The following SUSD6 variants were observed in gnomAD, a reference collection of about 807,000 sequenced individuals.
SUSD6 encodes sushi domain-containing protein 6.
Under a neutral mutation model 28.4 loss-of-function variants are expected in SUSD6, and 16 were observed. The observed-to-expected ratio is 0.56, with a 90% CI of 0.38 to 0.86. The LOEUF is 0.86. SUSD6 is among the 40% of genes least tolerant of loss of function. The pLI, the probability that SUSD6 is intolerant of heterozygous loss-of-function variation, is 0.00. For missense variants in SUSD6, 341 were observed against 384.2 expected (o/e 0.89, Z 0.94); for synonymous variants, 147 against 159.6 (o/e 0.92, Z 0.59).
intron 2 of SUSD6, among the ~76,000 whole-genome samples, chr14:69,686,012 A>G (rs1886067956): frequency 1.3e-5 from 2 of 152,226 alleles, no homozygotes; most frequent in East Asian, 1.9e-4. Flanking sequence ...GGTAACTTGC[A>G]TTATCAGACC....
intron 2 of SUSD6, among the ~76,000 whole-genome samples, chr14:69,666,275 GGAGTGAGATCAGCTAAGT>G (rs1474672806): frequency 6.6e-6 from 1 of 152,190 alleles, no homozygotes; most frequent in African/African-American, 2.4e-5. Context: ...TGTTGGTGCT[GGAGTGAGATCAGCTAAGT>G]GATCTCACTG....
intron 2 of SUSD6, among the ~76,000 whole-genome samples, chr14:69,672,103 G>A (rs1215004803): frequency 6.6e-6 from 1 of 152,126 alleles, no homozygotes; most frequent in East Asian, 1.9e-4. Context: ...ACACTAACTG[G>A]TTAATCCACC....
chr14:69,631,524 A>T (rs1332860499), intron 1 of SUSD6, among the ~76,000 whole-genome samples: 2 of 152,160 alleles, frequency 1.3e-5, no homozygotes, highest in Non-Finnish European at 2.9e-5. Context: ...CCTAAAACGG[A>T]TATAACAGTA....
intron 1 of SUSD6, among the ~76,000 whole-genome samples, chr14:69,639,775 T>G (rs925488220): frequency 3.3e-5 from 5 of 152,076 alleles, no homozygotes; most frequent in African/African-American, 4.8e-5. Context: ...GATGTTTAGT[T>G]GACATGCCTT....
intron 5 of SUSD6, among the ~76,000 whole-genome samples, chr14:69,709,698 G>C (rs1165117512): frequency 5.9e-5 from 9 of 152,246 alleles, no homozygotes; most frequent in African/African-American, 2.2e-4. Context: ...TTTGAAGCCA[G>C]ATTCTGCCTT....
intron 1 of SUSD6, among the ~76,000 whole-genome samples, chr14:69,644,379 C>T (rs4899309): frequency 5.9e-5 from 9 of 152,124 alleles, no homozygotes; most frequent in Admixed American, 4.6e-4. Flanking sequence ...TGGCTGGGCA[C>T]GGTGGCTCAC....
chr14:69,620,082 G>C (rs143426707), intron 1 of SUSD6, among the ~76,000 whole-genome samples: 66 of 152,308 alleles, frequency 4.3e-4, no homozygotes, highest in Middle Eastern at 6.8e-3. Flanking sequence ...TGGCATGCTT[G>C]AGCCATTGCT....
chr14:69,647,115 T>G (rs141989839), intron 1 of SUSD6, among the ~76,000 whole-genome samples: 139 of 152,314 alleles, frequency 9.1e-4, no homozygotes, highest in African/African-American at 3.1e-3. Flanking sequence ...TGGATGAAAA[T>G]GTTTGTTTAT....
chr14:69,700,593 A>G lies in SUSD6; in HGVS notation c.122-2802A>G, dbSNP rs116616813. On this transcript the variant is annotated intron_variant, in intron 2 of 5. Transcript: ENST00000342745. ...CTCAGAAGTTAACCTACATTTTCCC[A>G]CTTCAGTGCATTTACTTCAAACTAT... Among the ~76,000 whole-genome samples the G allele has an allele frequency of 8.5e-3, 1,286 of 152,188 alleles. 13 individuals are homozygous for G. The highest frequency in any genetic ancestry group is 0.029 in the African/African-American group (1,222 of 41,504).
intron 1 of SUSD6, among the ~76,000 whole-genome samples, chr14:69,638,821 G>A (rs10149246): frequency 0.2 from 30,561 of 152,028 alleles, 3,674 homozygotes; most frequent in African/African-American, 0.33. Flanking sequence ...CAGGACTTGC[G>A]TAATTTAAAC....
intron 1 of SUSD6, among the ~76,000 whole-genome samples, chr14:69,614,034 C>G (rs1884921135): frequency 6.6e-6 from 1 of 152,188 alleles, no homozygotes; most frequent in Non-Finnish European, 1.5e-5. Flanking sequence ...CCTGGTCAGT[C>G]TCTGAGGTGT....
intron 2 of SUSD6, among the ~76,000 whole-genome samples, chr14:69,677,382 A>G (rs182057556): frequency 0.022 from 3,177 of 145,148 alleles, 60 homozygotes; most frequent in Middle Eastern, 0.043. Flanking sequence ...CGTCTCTACT[A>G]AAAATACAAA....
intron 1 of SUSD6, chr14:69,617,204 T>TTGTTTC (rs1159475630): frequency 6.6e-6 from 1 of 152,218 alleles, no homozygotes; most frequent in East Asian, 1.9e-4. Flanking sequence ...GACAGTTGGG[T>TTGTTTC]TGTTTCTGTT....
At chr14:69,692,699 T>G (rs914621839) in intron 2 of SUSD6, among the ~76,000 whole-genome samples, 3 of 152,308 alleles carry the variant, frequency 2.0e-5, no homozygotes, top group Non-Finnish European at 4.4e-5. Context: ...TACTTGGCAT[T>G]AGGAGTTACC....
Position 69,658,510 on chromosome 14 carries a change from C to A in SUSD6, c.-80-3C>A. 7.0e-7 allele frequency: 1 copy of A among 1,428,580 alleles called. No individual in the cohort carries two copies. The highest frequency in any genetic ancestry group is 9.7e-7 in the Non-Finnish European group (1 of 1,031,266). 88.5% of individuals were successfully genotyped at this position (1,428,580 alleles called of 1,614,324 possible). On this transcript the variant is annotated splice_region_variant and splice_polypyrimidine_tract_variant and intron_variant, in intron 1 of 5. Coordinates refer to ENST00000342745, the MANE Select transcript of SUSD6 (RefSeq NM_014734.4). ...ACTTTATGTCCTTGTTTGTTTGTTA[C>A]AGGTGAATCAGCTCCCGGCCGACTT...
chr14:69,697,907 T>C (rs941559762), intron 2 of SUSD6, among the ~76,000 whole-genome samples: 1 of 152,242 alleles, frequency 6.6e-6, no homozygotes, highest in Non-Finnish European at 1.5e-5. Context: ...GGTTGTAGGC[T>C]TGTAGTGGGG....
Position 69,703,362 on chromosome 14 carries a change from C to T in SUSD6, c.122-33C>T. 3 of 1,574,156 alleles carry T rather than the reference C, an allele frequency of 1.9e-6. No individual in the cohort carries two copies. The East Asian group carries it at 6.7e-5, about 35-fold the overall frequency. On this transcript the variant is annotated intron_variant, in intron 2 of 5. Transcript: ENST00000342745. Reference sequence around the variant, plus strand: ...AGCAGACTCCTACTGGATACCTCACCACTGTACCCCTGCTCTCTCCCTGTC... The same window carrying T: ...AGCAGACTCCTACTGGATACCTCACTACTGTACCCCTGCTCTCTCCCTGTC...
intron 1 of SUSD6, among the ~76,000 whole-genome samples, chr14:69,647,146 A>T (rs187254217): frequency 6.6e-6 from 1 of 152,228 alleles, no homozygotes; most frequent in Non-Finnish European, 1.5e-5. Flanking sequence ...TTTAATTACA[A>T]TTAAGTACCT....
At chr14:69,620,138 T>C (rs150936439) in intron 1 of SUSD6, among the ~76,000 whole-genome samples, 67 of 152,282 alleles carry the variant, frequency 4.4e-4, no homozygotes, top group African/African-American at 1.6e-3. Flanking sequence ...CCTTTATCAA[T>C]CCTCCATCTG....
Sources: gnomAD v4.1 joint callset for allele counts (sites outside exome capture counted in the v4.1 genomes callset) on GRCh38, gnomAD v4.1.1 for gene constraint, MANE v1.5 for transcripts, NCBI Gene and HGNC (gene_info 2026-07-23, HGNC 2026-07-21) for gene names.